The following MTOR variants were observed in gnomAD, a reference collection of about 807,000 sequenced individuals.
MTOR encodes serine/threonine-protein kinase mTOR.
In MTOR, 70 loss-of-function variants were observed where a neutral mutation model predicts 319.8. The observed-to-expected ratio is 0.22, with a 90% CI of 0.18 to 0.27. MTOR has a LOEUF of 0.27. MTOR is among the 10% of genes least tolerant of loss of function. The pLI is 1.00. For synonymous variants in MTOR, 1,183 were observed against 1,211.4 expected, an observed-to-expected ratio of 0.98 and a Z score of 0.49; for missense variants, 1,890 against 3,274.4, an observed-to-expected ratio of 0.58 and a Z score of 10.32.
intron 28 of MTOR, among the ~76,000 whole-genome samples, chr1:11,196,281 G>A (rs909508255): frequency 2.6e-5 from 4 of 152,144 alleles, no homozygotes; most frequent in African/African-American, 4.8e-5. Flanking sequence ...CCTAATGCTC[G>A]GGGCTAACCA....
chr1:11,181,352 G>A (rs996416872), intron 28 of MTOR, among the ~76,000 whole-genome samples: 8 of 152,028 alleles, frequency 5.3e-5, no homozygotes, highest in Non-Finnish European at 1.0e-4. Flanking sequence ...GCTACCTCAA[G>A]TTATTGATTT....
At chr1:11,140,882 A>G (rs1444682762) in intron 34 of MTOR, among the ~76,000 whole-genome samples, 1 of 152,090 alleles carries the variant, frequency 6.6e-6, no homozygotes, top group Non-Finnish European at 1.5e-5. Context: ...AAATGAATTA[A>G]ATGTAAAGAA....
Position 11,247,922 on chromosome 1 carries a change from G to C in MTOR, c.1013C>G (p.Ser338Cys), listed in dbSNP as rs773862672. Residue 338 changes from serine (S) to cysteine (C), a missense_variant, in exon 7 of 58, where the codon TCT becomes TGT. Ser to Cys is a moderately radical substitution (Grantham distance 112, BLOSUM62 -1). This residue lies in a region of MTOR where 418 missense variants were observed against 543.1 expected (regional missense o/e 0.77). Transcript: ENST00000361445. ...NALVGLLGYS[S>C]HQGLMGFGTS... is the part of the protein sequence containing the mutation. ...CCCAAATCCCATGAGGCCTTGGTGA[G>C]AGCTGTACCCCAGCAGCCCCACCAA... 6 of 1,614,082 alleles carry C rather than the reference G, an allele frequency of 3.7e-6. No individual in the cohort carries two copies. Among genetic ancestry groups the C allele is most frequent in the Admixed American group, 3.3e-5 (2 of 60,002 alleles).
rs940633580 is a variant in MTOR, at chr1:11,212,016, C to T, written c.3561+296G>A. ...TCTACCCTAAATAAAGAGCACTTCT[C>T]CCCACTTCAACCCATCACTCTTAAG... On this transcript the variant is annotated intron_variant, in intron 23 of 57. Coordinates refer to ENST00000361445, the MANE Select transcript of MTOR (RefSeq NM_004958.4). This position sits in a 1 kb window ranked among gnomAD's most constrained non-coding sequence, Gnocchi z 4.1. Among the ~76,000 whole-genome samples, 1 of 152,122 alleles carries T rather than the reference C, an allele frequency of 6.6e-6. No homozygotes were observed. The highest frequency in any genetic ancestry group is 2.1e-4 in the South Asian group (1 of 4,830).
intron 8 of MTOR, 152 bp from the exon 9 acceptor site, chr1:11,243,452 G>GATT: frequency 4.3e-6 from 3 of 702,964 alleles, no homozygotes; most frequent in South Asian, 4.1e-5. Context: ...AACACTTTGG[G>GATT]AGGCCAAGGA....
intron 6 of MTOR, among the ~76,000 whole-genome samples, chr1:11,249,256 C>G (rs1205012346): frequency 2.6e-5 from 4 of 152,120 alleles, no homozygotes. Context: ...GGGGACTACT[C>G]ATCCTCCAAG....
intron 6 of MTOR, among the ~76,000 whole-genome samples, chr1:11,250,117 G>A (rs1482049374): frequency 2.1e-4 from 30 of 146,320 alleles, no homozygotes; most frequent in Non-Finnish European, 3.4e-4. Context: ...TCCCAGTAGG[G>A]GCGGCCGGGC....
intron 29 of MTOR, among the ~76,000 whole-genome samples, chr1:11,159,363 C>T (rs1291768977): frequency 3.3e-5 from 5 of 152,184 alleles, no homozygotes; most frequent in Middle Eastern, 3.4e-3. Flanking sequence ...GTGCTAAGGC[C>T]GGGCATGGTG....
intron 1 of MTOR, among the ~76,000 whole-genome samples, chr1:11,261,007 G>A (rs529400571): frequency 1.2e-4 from 18 of 151,574 alleles, no homozygotes; most frequent in African/African-American, 4.4e-4. Context: ...GGCCAGGCTG[G>A]TCTCAAATTC....
intron 29 of MTOR, among the ~76,000 whole-genome samples, chr1:11,165,823 C>G (rs1232762471): frequency 6.6e-6 from 1 of 152,228 alleles, no homozygotes; most frequent in Admixed American, 6.5e-5. Flanking sequence ...CTGGAGGCAT[C>G]ACGCTACCTG....
At chr1:11,194,076 G>C (rs949870172) in intron 28 of MTOR, among the ~76,000 whole-genome samples, 4 of 152,136 alleles carry the variant, frequency 2.6e-5, no homozygotes, top group Admixed American at 1.3e-4. Flanking sequence ...CCGAGCATGA[G>C]GTCCTTTAGG....
intron 28 of MTOR, among the ~76,000 whole-genome samples, chr1:11,177,375 T>C (rs192170956): frequency 1.2e-4 from 18 of 151,932 alleles, no homozygotes; most frequent in African/African-American, 3.1e-4. Flanking sequence ...CTGAGCAACA[T>C]AGCAAGACTT....
chr1:11,196,256 G>A (rs1645779290), intron 28 of MTOR, among the ~76,000 whole-genome samples: 1 of 152,164 alleles, frequency 6.6e-6, no homozygotes, highest in Non-Finnish European at 1.5e-5. Context: ...GCAAAAACAG[G>A]CCAGCAGACC....
intron 49 of MTOR, among the ~76,000 whole-genome samples, chr1:11,119,121 C>G (rs1199882153): frequency 6.6e-6 from 1 of 152,048 alleles, no homozygotes; most frequent in Non-Finnish European, 1.5e-5. Context: ...GTGGAGAGGG[C>G]CTTTCTAAAT....
At chr1:11,117,230 G>T in intron 49 of MTOR, 144 bp from the exon 50 acceptor site, 1 of 642,066 alleles carries the variant, frequency 1.6e-6, no homozygotes, top group Non-Finnish European at 2.6e-6. Flanking sequence ...GTGCTATCTT[G>T]GCTCACTGCA....
At chr1:11,148,547 T>A (rs1216661157) in intron 31 of MTOR, among the ~76,000 whole-genome samples, 1 of 152,164 alleles carries the variant, frequency 6.6e-6, no homozygotes, top group Admixed American at 6.5e-5. Context: ...GATGACTTTA[T>A]GACTTTAGGC....
chr1:11,151,748 A>G (rs1472276587), intron 30 of MTOR, among the ~76,000 whole-genome samples: 1 of 152,230 alleles, frequency 6.6e-6, no homozygotes, highest in African/African-American at 2.4e-5. Flanking sequence ...AGAAAGCTGC[A>G]TGATCTCCAA....
At chr1:11,135,396 C>T (rs1236684793) in intron 36 of MTOR, among the ~76,000 whole-genome samples, 1 of 151,964 alleles carries the variant, frequency 6.6e-6, no homozygotes. Context: ...TGCATTAACA[C>T]AGGGAAAGGA....
At chr1:11,118,402 A>C (rs1452387454) in intron 49 of MTOR, among the ~76,000 whole-genome samples, 1 of 150,586 alleles carries the variant, frequency 6.6e-6, no homozygotes, top group Admixed American at 6.6e-5. Flanking sequence ...ATGCCCAGCT[A>C]ATTTTTGTAT....
Sources: gnomAD v4.1 joint callset for allele counts (sites outside exome capture counted in the v4.1 genomes callset) on GRCh38, gnomAD v4.1.1 for gene constraint, gnomAD v4.1.1 regional missense constraint, Gnocchi (gnomAD v3.1) non-coding constraint, MANE v1.5 for transcripts, NCBI Gene and HGNC (gene_info 2026-07-23, HGNC 2026-07-21) for gene names.